The following ELAVL2 variants were observed in gnomAD, a reference collection of about 807,000 sequenced individuals.
The protein encoded by ELAVL2 is ELAV-like protein 2.
A neutral mutation model predicts 34.6 loss-of-function variants in ELAVL2; 4 were observed. The observed-to-expected ratio is 0.12, with a 90% CI of 0.06 to 0.26. The LOEUF (loss-of-function observed/expected upper bound fraction) is 0.26. ELAVL2 is among the 10% of genes least tolerant of loss of function. The pLI, the probability that ELAVL2 is intolerant of heterozygous loss-of-function variation, is 1.00. For synonymous variants in ELAVL2, 193 were observed against 154.8 expected (o/e 1.25, Z -1.83); for missense variants, 432 against 442.8 (o/e 0.98, Z 0.22).
chr9:23,693,289 T>C (rs947460332), intron 6 of ELAVL2, among the ~76,000 whole-genome samples, 159 bp downstream of exon 6: 1 of 152,198 alleles, frequency 6.6e-6, no homozygotes, highest in African/African-American at 2.4e-5. Context: ...TAAAAATTTC[T>C]TGAGTCAATT....
At chr9:23,835,718 G>T in the ELAVL2 span, among the ~76,000 whole-genome samples, 1 of 152,228 alleles carries the variant, frequency 6.6e-6, no homozygotes. Flanking sequence ...ACATTGCTAT[G>T]AATTCATATA....
intron 5 of ELAVL2, among the ~76,000 whole-genome samples, chr9:23,699,531 A>G (rs2036415613): frequency 6.6e-6 from 1 of 152,150 alleles, no homozygotes; most frequent in African/African-American, 2.4e-5. Context: ...ACTCGAGATC[A>G]TTTTCAAGGC....
chr9:23,795,026 T>C (rs1164204921), intron 1 of ELAVL2, among the ~76,000 whole-genome samples: 1 of 152,178 alleles, frequency 6.6e-6, no homozygotes, highest in Non-Finnish European at 1.5e-5. Flanking sequence ...TTATAATAGC[T>C]TTTGATCAAC....
chr9:23,823,608 A>T (rs1007349704), intron 1 of ELAVL2, among the ~76,000 whole-genome samples: 18 of 152,208 alleles, frequency 1.2e-4, no homozygotes, highest in Admixed American at 1.3e-4. Flanking sequence ...TGTTAACCCC[A>T]TAACAACTTC....
At chr9:23,742,643 T>C (rs2049522436) in intron 2 of ELAVL2, among the ~76,000 whole-genome samples, 1 of 152,214 alleles carries the variant, frequency 6.6e-6, no homozygotes, top group South Asian at 2.1e-4. Flanking sequence ...TCCACTGTAA[T>C]TCCTTTTATA....
chr9:23,715,479 G>C (rs1416018904), intron 3 of ELAVL2, among the ~76,000 whole-genome samples: 3 of 152,212 alleles, frequency 2.0e-5, no homozygotes, highest in Non-Finnish European at 4.4e-5. Context: ...TCTCAAGCAA[G>C]ATGATTAGAA....
At chr9:23,753,510 T>C (rs1008318005) in intron 2 of ELAVL2, among the ~76,000 whole-genome samples, 29 of 152,296 alleles carry the variant, frequency 1.9e-4, no homozygotes, top group African/African-American at 7.0e-4. Flanking sequence ...AACAGGTTGA[T>C]TTTGTACTAC....
chr9:23,796,347 A>G (rs2060924463), intron 1 of ELAVL2, among the ~76,000 whole-genome samples: 1 of 152,238 alleles, frequency 6.6e-6, no homozygotes, highest in Admixed American at 6.5e-5. Flanking sequence ...CCTCTTCCTC[A>G]CAATTACTGT....
intron 3 of ELAVL2, among the ~76,000 whole-genome samples, chr9:23,720,434 T>A (rs1044137756): frequency 3.9e-5 from 6 of 152,126 alleles, no homozygotes; most frequent in Non-Finnish European, 7.4e-5. Flanking sequence ...CCCAAAGTGC[T>A]GGGATTACAG....
At chr9:23,753,955 AC>A (rs2052840558) in intron 2 of ELAVL2, among the ~76,000 whole-genome samples, 1 of 152,184 alleles carries the variant, frequency 6.6e-6, no homozygotes, top group African/African-American at 2.4e-5. Flanking sequence ...GTTACTGAAG[AC>A]TATTCCTAAT....
chr9:23,821,778 C>G (rs1255260691), intron 1 of ELAVL2: 1 of 151,512 alleles, frequency 6.6e-6, no homozygotes, highest in Non-Finnish European at 1.5e-5. Context: ...CGCGCCGCGC[C>G]GGCAACCGCC....
chr9:23,707,591 G>A (rs2039738733), intron 3 of ELAVL2, among the ~76,000 whole-genome samples: 1 of 152,172 alleles, frequency 6.6e-6, no homozygotes, highest in Admixed American at 6.5e-5. Context: ...TGTCACAGGA[G>A]GCAGTGGAAA....
chr9:23,762,103 G>A lies in ELAVL2; in HGVS notation c.132C>T (p.Asn44=). The change falls in exon 2 of 7, where the codon AAC becomes AAT. Residue 44 remains asparagine (N), a synonymous_variant. Coordinates refer to ENST00000397312, the MANE Select transcript of ELAVL2 (RefSeq NM_004432.5). ...CCTGTGTCATGTTCTGAGGAAGGTAGTTGACTATTAAGTTGGTCTTGCTGT... is the reference window on the plus strand; with the variant it reads ...CCTGTGTCATGTTCTGAGGAAGGTAATTGACTATTAAGTTGGTCTTGCTGT... ...TEDSKTNLIV[N]YLPQNMTQEE... 1 of 1,613,574 alleles carries A rather than the reference G, an allele frequency of 6.2e-7. No individual in the cohort carries two copies. The highest frequency in any genetic ancestry group is 1.7e-4 in the Middle Eastern group (1 of 6,058).
intron 1 of ELAVL2, among the ~76,000 whole-genome samples, chr9:23,789,043 T>C (rs977603577): frequency 6.6e-5 from 10 of 152,230 alleles, no homozygotes; most frequent in Non-Finnish European, 1.2e-4. Flanking sequence ...CAACGGCTTC[T>C]GTATTCTTAT....
chr9:23,808,645 G>C (rs2062566268), intron 1 of ELAVL2, among the ~76,000 whole-genome samples: 1 of 152,152 alleles, frequency 6.6e-6, no homozygotes, highest in Non-Finnish European at 1.5e-5. Flanking sequence ...AAGTTTTAAA[G>C]TGGCTACTAA....
intron 2 of ELAVL2, among the ~76,000 whole-genome samples, chr9:23,737,224 T>G (rs2048108059): frequency 6.6e-6 from 1 of 152,166 alleles, no homozygotes; most frequent in South Asian, 2.1e-4. Context: ...GAAAAACAAA[T>G]GAAGGAGCAG....
chr9:23,725,913 G>A (rs965780863), intron 3 of ELAVL2, among the ~76,000 whole-genome samples: 1 of 152,026 alleles, frequency 6.6e-6, no homozygotes, highest in Non-Finnish European at 1.5e-5. Flanking sequence ...TCTCAGTGAT[G>A]AATAAATTAT....
chr9:23,841,151 A>G, the ELAVL2 span, among the ~76,000 whole-genome samples: 1 of 152,116 alleles, frequency 6.6e-6, no homozygotes, highest in Non-Finnish European at 1.5e-5. Flanking sequence ...CTGGGGTATT[A>G]GCAATGTCAG....
intron 1 of ELAVL2, among the ~76,000 whole-genome samples, chr9:23,822,989 C>T (rs888081257): frequency 2.6e-5 from 4 of 152,172 alleles, no homozygotes; most frequent in Admixed American, 2.6e-4. Flanking sequence ...GGCAAATTTG[C>T]CCTCTTGGGC....
Sources: gnomAD v4.1 joint callset for allele counts (sites outside exome capture counted in the v4.1 genomes callset) on GRCh38, gnomAD v4.1.1 for gene constraint, MANE v1.5 for transcripts, NCBI Gene and HGNC (gene_info 2026-07-23, HGNC 2026-07-21) for gene names.